Variants in POMK observed in about 807,000 individuals in gnomAD.
The protein encoded by POMK is Sugen kinase 196.
Under a neutral mutation model 23.0 loss-of-function variants are expected in POMK, and 19 were observed. That is an observed-to-expected ratio of 0.83 (90% confidence interval 0.58 to 1.21). The LOEUF is 1.21. Ranked by LOEUF, POMK falls within the 50% of genes most tolerant of loss-of-function variation. The pLI, the probability that POMK is intolerant of heterozygous loss-of-function variation, is 0.00. For synonymous variants in POMK, 173 were observed against 171.6 expected (o/e 1.01, Z -0.06); for missense variants, 410 against 431.3 (o/e 0.95, Z 0.44).
At chr8:43,109,408 T>TA (rs1486744131) in intron 4 of POMK, among the ~76,000 whole-genome samples, 2 of 152,326 alleles carry the variant, frequency 1.3e-5, no homozygotes, top group South Asian at 2.1e-4. Flanking sequence ...TAATATTCCA[T>TA]AAAAATCCTT....
At chr8:43,108,137 C>G (rs1224364150) in intron 4 of POMK, among the ~76,000 whole-genome samples, 1 of 152,074 alleles carries the variant, frequency 6.6e-6, no homozygotes, top group Non-Finnish European at 1.5e-5. Context: ...CTCTTGATGC[C>G]CCTAGATAAC....
intron 2 of POMK, among the ~76,000 whole-genome samples, chr8:43,099,759 A>G (rs1586669886): frequency 6.6e-6 from 1 of 152,210 alleles, no homozygotes; most frequent in Admixed American, 6.5e-5. Flanking sequence ...TCATGGTAAC[A>G]CACTGTTTGT....
At chr8:43,119,421 A>G (rs1291125823) in intron 4 of POMK, among the ~76,000 whole-genome samples, 2 of 147,514 alleles carry the variant, frequency 1.4e-5, no homozygotes, top group Non-Finnish European at 3.0e-5. Flanking sequence ...TAGCAGCCAG[A>G]GTGAAAAACA....
intron 4 of POMK, among the ~76,000 whole-genome samples, chr8:43,109,466 C>T (rs934112320): frequency 6.6e-5 from 10 of 151,954 alleles, no homozygotes; most frequent in Admixed American, 2.0e-4. Context: ...GTATTTTTAA[C>T]GTTAAAGCCA....
At chr8:43,098,794 C>T (rs978525296) in intron 2 of POMK, among the ~76,000 whole-genome samples, 6 of 152,148 alleles carry the variant, frequency 3.9e-5, no homozygotes, top group Middle Eastern at 3.2e-3. Flanking sequence ...TATAGCCATC[C>T]TCATGGGTGT....
intron 4 of POMK, among the ~76,000 whole-genome samples, chr8:43,112,007 C>T (rs184542870): frequency 1.3e-3 from 192 of 152,264 alleles, no homozygotes; most frequent in African/African-American, 4.4e-3. Flanking sequence ...AAAATCAGAG[C>T]GCCTCTCCTC....
At chr8:43,111,309 G>A (rs1346858259) in intron 4 of POMK, among the ~76,000 whole-genome samples, 1 of 152,190 alleles carries the variant, frequency 6.6e-6, no homozygotes, top group African/African-American at 2.4e-5. Context: ...TACGCCCATG[G>A]AGCCTCACTC....
At chr8:43,094,548 C>G (rs537697573) in intron 1 of POMK, among the ~76,000 whole-genome samples, 2 of 152,054 alleles carry the variant, frequency 1.3e-5, no homozygotes, top group East Asian at 3.8e-4. Context: ...ATAATCTTGT[C>G]TTTGCCACCC....
intron 4 of POMK, among the ~76,000 whole-genome samples, chr8:43,107,231 C>T (rs1811561650): frequency 6.6e-6 from 1 of 152,056 alleles, no homozygotes; most frequent in South Asian, 2.1e-4. Context: ...AAACTAACAA[C>T]ATGTGTACCA....
intron 4 of POMK, among the ~76,000 whole-genome samples, chr8:43,113,290 C>T (rs1003425800): frequency 2.6e-5 from 4 of 152,198 alleles, no homozygotes; most frequent in Non-Finnish European, 5.9e-5. Flanking sequence ...TCTCATATTT[C>T]TTGGAGGCTT....
chr8:43,115,876 C>G (rs1270158226), intron 4 of POMK, among the ~76,000 whole-genome samples: 3 of 152,216 alleles, frequency 2.0e-5, no homozygotes, highest in Non-Finnish European at 4.4e-5. Flanking sequence ...CCTGTCCGGT[C>G]TACTCCAGCA....
intron 4 of POMK, among the ~76,000 whole-genome samples, chr8:43,116,318 T>C (rs1811797924): frequency 6.6e-6 from 1 of 152,204 alleles, no homozygotes; most frequent in Non-Finnish European, 1.5e-5. Context: ...TTTTGCCCAG[T>C]CTGGAGTGCA....
At chr8:43,094,061 G>C (rs867901286) in intron 1 of POMK, among the ~76,000 whole-genome samples, 2 of 152,384 alleles carry the variant, frequency 1.3e-5, no homozygotes, top group Middle Eastern at 3.4e-3. Context: ...CTGGGGGCCA[G>C]AGTGAGAGGC....
At chr8:43,112,992 G>T (rs1020798616) in intron 4 of POMK, among the ~76,000 whole-genome samples, 1 of 152,212 alleles carries the variant, frequency 6.6e-6, no homozygotes, top group South Asian at 2.1e-4. Flanking sequence ...AGGCTAGGAA[G>T]AAACTGCATC....
intron 4 of POMK, among the ~76,000 whole-genome samples, chr8:43,109,132 G>C (rs1275159310): frequency 6.6e-6 from 1 of 152,090 alleles, no homozygotes; most frequent in Non-Finnish European, 1.5e-5. Flanking sequence ...TTAACTTAGA[G>C]CTTGATTTTG....
chr8:43,106,948 T>G (rs367686673), intron 4 of POMK, among the ~76,000 whole-genome samples: 2 of 152,158 alleles, frequency 1.3e-5, no homozygotes, highest in Non-Finnish European at 2.9e-5. Context: ...GGGGTCGGAG[T>G]TGACCCTAAG....
intron 2 of POMK, among the ~76,000 whole-genome samples, chr8:43,099,865 C>T (rs376190968): frequency 3.9e-5 from 6 of 152,220 alleles, no homozygotes; most frequent in African/African-American, 1.2e-4. Context: ...AGGATGATCT[C>T]GTTAGATGAT....
At position 43,119,166 on chromosome 8, in the gene POMK, A is replaced by G. The variant is rs189984533; in HGVS notation, c.283-2941A>G. 2.2e-3 allele frequency among the ~76,000 whole-genome samples: 340 copies of G among 152,182 alleles called. 1 individual carries two copies. Among genetic ancestry groups the G allele is most frequent in the African/African-American group, 7.9e-3 (326 of 41,512 alleles). On this transcript the variant is annotated intron_variant, in intron 4 of 4. Transcript: ENST00000331373. ...CTTCCCAAAAGCCAGCATCGTTTTT[A>G]GGTGAAAAATGGGCCTAGAAAACCA...
At chr8:43,108,144 T>C (rs546349427) in intron 4 of POMK, among the ~76,000 whole-genome samples, 1 of 152,294 alleles carries the variant, frequency 6.6e-6, no homozygotes, top group South Asian at 2.1e-4. Context: ...TGCCCCTAGA[T>C]AACTTGGGGC....
Sources: allele counts gnomAD v4.1 joint callset (sites outside exome capture counted in the v4.1 genomes callset), GRCh38; gene constraint gnomAD v4.1.1; transcripts MANE v1.5; gene names NCBI Gene and HGNC (gene_info 2026-07-23, HGNC 2026-07-21).